FXN: variants seen among roughly 807,000 people sequenced by gnomAD.
FXN encodes frataxin, also known as frataxin, mitochondrial.
Under a neutral mutation model 22.4 loss-of-function variants are expected in FXN, and 14 were observed. That is an observed-to-expected ratio of 0.62 (90% confidence interval 0.41 to 0.98). The LOEUF is 0.98. Ranked by LOEUF, FXN falls within the 50% of genes least tolerant of loss-of-function variation. The pLI, the probability that FXN is intolerant of heterozygous loss-of-function variation, is 0.00. For missense variants in FXN, 267 were observed against 268.4 expected, an observed-to-expected ratio of 0.99 and a Z score of 0.04; for synonymous variants, 120 against 114.1, an observed-to-expected ratio of 1.05 and a Z score of -0.33.
chr9:69,036,103 C>A (rs987773855), intron 1 of FXN, 156 bp downstream of exon 1: 8 of 486,736 alleles, frequency 1.6e-5, no homozygotes, highest in Admixed American at 4.9e-5. Flanking sequence ...GCGGAAGCGG[C>A]CTTGCAACTC....
rs1832302630 is a variant in FXN at position 69,073,037 on chromosome 9, A to G, written c.*275A>G. On this transcript the variant is annotated 3_prime_UTR_variant, in exon 5 of 5. Coordinates refer to ENST00000484259, the MANE Select transcript of FXN (RefSeq NM_000144.5). ...TTATCTTTTATAATGTCTTATGCCT[A>G]TACCTGAATATAACAACCTTTAAAA... 1 of 1,315,916 alleles carries G rather than the reference A, an allele frequency of 7.6e-7. No individual in the cohort carries two copies. The highest frequency in any genetic ancestry group is 9.7e-7 in the Non-Finnish European group (1 of 1,032,752). The allele number at this position is 1,315,916 out of a possible 1,614,324, so 81.5% of individuals were successfully genotyped here.
In FXN at chr9:69,077,047, G is replaced by A. The variant is rs536322979; in HGVS notation, c.*4285G>A. The A allele has an allele frequency of 5.5e-5, 27 of 486,944 alleles. No homozygotes were observed. In the South Asian group the frequency reaches 2.2e-3, roughly 40 times the overall value. The allele number at this position is 486,944 out of a possible 1,614,324, so 30.2% of individuals were successfully genotyped here. A position where few individuals can be genotyped will look rare whatever the true frequency, so the allele number is the denominator to read the frequency against. ...CTCTGCCTCAGCCTCCCGAGTAGCT[G>A]GGATTACAGGTGCCTGCCACCACAC... is the stretch of plus-strand genomic sequence containing the variant. On this transcript the variant is annotated 3_prime_UTR_variant, in exon 5 of 5. Transcript: ENST00000484259.
intron 2 of FXN, among the ~76,000 whole-genome samples, chr9:69,051,160 C>T (rs755312975): frequency 3.9e-5 from 6 of 152,230 alleles, no homozygotes; most frequent in African/African-American, 9.6e-5. Flanking sequence ...TGCAATGGCA[C>T]GATCACAGCT....
At chr9:69,038,748 G>A (rs1401206495) in intron 1 of FXN, among the ~76,000 whole-genome samples, 1 of 152,036 alleles carries the variant, frequency 6.6e-6, no homozygotes, top group Non-Finnish European at 1.5e-5. Context: ...AGCCCAGGAG[G>A]CAGAGGTTGC....
intron 3 of FXN, among the ~76,000 whole-genome samples, chr9:69,059,455 AGT>A (rs1381827600): frequency 8.2e-6 from 1 of 121,974 alleles, no homozygotes; most frequent in Admixed American, 1.1e-4. Context: ...GCTGGAGTGC[AGT>A]GGCACGATCT....
At chr9:69,051,419 C>CTT (rs1322717134) in intron 2 of FXN, among the ~76,000 whole-genome samples, 1 of 143,598 alleles carries the variant, frequency 7.0e-6, no homozygotes, top group African/African-American at 2.5e-5. Context: ...TCTTTCTTTT[C>CTT]TTTTTTTTTT....
chr9:69,040,324 A>G (rs1462004175), intron 1 of FXN, among the ~76,000 whole-genome samples: 1 of 152,178 alleles, frequency 6.6e-6, no homozygotes, highest in African/African-American at 2.4e-5. Flanking sequence ...AATCATTTTT[A>G]TTGTCTTGCA....
intron 3 of FXN, among the ~76,000 whole-genome samples, chr9:69,063,466 GC>G (rs761170109): frequency 5.9e-5 from 9 of 152,114 alleles, no homozygotes; most frequent in Non-Finnish European, 1.2e-4. Context: ...CAAACACCAA[GC>G]CTGGCACAGT....
In FXN at chr9:69,072,763, T is replaced by A. The variant is rs1191900060; in HGVS notation, c.*1T>A. 1 of 1,614,094 alleles carries A rather than the reference T, an allele frequency of 6.2e-7. No homozygotes were observed. The highest frequency in any genetic ancestry group is 2.2e-5 in the East Asian group (1 of 44,896). The stretch of plus-strand genomic sequence containing the variant: ...GGCCTATTCCGGAAAAGATGCTTGA[T>A]GCCCAGCCCCGTTTTAAGGACATTA... On this transcript the variant is annotated 3_prime_UTR_variant, in exon 5 of 5. Coordinates refer to ENST00000484259, the MANE Select transcript of FXN (RefSeq NM_000144.5).
intron 4 of FXN, among the ~76,000 whole-genome samples, chr9:69,069,183 G>T (rs1832226375): frequency 3.9e-5 from 6 of 152,226 alleles, no homozygotes; most frequent in Admixed American, 3.3e-4. Context: ...GGGCAACATA[G>T]TGAAACCCTG....
intron 2 of FXN, among the ~76,000 whole-genome samples, chr9:69,047,538 G>A (rs891970911): frequency 5.3e-5 from 8 of 152,152 alleles, no homozygotes; most frequent in African/African-American, 1.4e-4. Flanking sequence ...TCAGCCTCTC[G>A]AGAGGCTCCT....
At chr9:69,062,511 G>A (rs1832093027) in intron 3 of FXN, among the ~76,000 whole-genome samples, 1 of 152,076 alleles carries the variant, frequency 6.6e-6, no homozygotes, top group Non-Finnish European at 1.5e-5. Flanking sequence ...CTTACGTATT[G>A]TATAATCCCA....
intron 1 of FXN, among the ~76,000 whole-genome samples, chr9:69,042,905 G>T (rs1241910988): frequency 3.2e-4 from 49 of 152,268 alleles, no homozygotes; most frequent in Non-Finnish European, 5.9e-5. Flanking sequence ...AGACAGCTTG[G>T]GTTCAATCCC....
chr9:69,039,037 G>A (rs971586283), intron 1 of FXN, among the ~76,000 whole-genome samples: 39 of 152,004 alleles, frequency 2.6e-4, no homozygotes, highest in African/African-American at 9.2e-4. Context: ...CGGATCACCT[G>A]AGGTCAGGAG....
chr9:69,066,974 C>T (rs1270642325), intron 4 of FXN, among the ~76,000 whole-genome samples: 3 of 152,212 alleles, frequency 2.0e-5, no homozygotes, highest in Admixed American at 2.0e-4. Context: ...CTCCCCGGTC[C>T]ACCTCAGGCC....
At position 69,071,212 on chromosome 9, in the gene FXN, C is replaced by T. The variant is rs778471518; in HGVS notation, c.483-1400C>T. On this transcript the variant is annotated intron_variant, in intron 4 of 4. Coordinates refer to ENST00000484259, the MANE Select transcript of FXN (RefSeq NM_000144.5). ...CAGAGTATAGGGCCAAGGGGACGGT[C>T]CTTGGGCTTGGTGTGGTTTATTAGT... The T allele has an allele frequency of 9.6e-6, 5 of 518,996 alleles. No homozygotes were observed. In the East Asian group the frequency reaches 2.7e-4, roughly 28 times the overall value. 32.1% of individuals were successfully genotyped at this position (518,996 alleles called of 1,614,324 possible).
At chr9:69,068,854 G>A (rs897473605) in intron 4 of FXN, among the ~76,000 whole-genome samples, 1 of 152,178 alleles carries the variant, frequency 6.6e-6, no homozygotes, top group African/African-American at 2.4e-5. Flanking sequence ...GCAGGTCCTC[G>A]TGTCAGGACC....
intron 3 of FXN, among the ~76,000 whole-genome samples, chr9:69,059,371 C>A (rs1024689763): frequency 4.0e-5 from 6 of 148,600 alleles, no homozygotes; most frequent in Non-Finnish European, 7.4e-5. Flanking sequence ...AAGTTAAAAA[C>A]CCCTGCTCAG....
chr9:69,066,362 A>G (rs766594368), intron 4 of FXN, among the ~76,000 whole-genome samples: 1 of 152,206 alleles, frequency 6.6e-6, no homozygotes, highest in Non-Finnish European at 1.5e-5. Context: ...GTGATCTCTA[A>G]TGCTTTGTTC....
Sources: allele counts gnomAD v4.1 joint callset (sites outside exome capture counted in the v4.1 genomes callset), GRCh38; gene constraint gnomAD v4.1.1; transcripts MANE v1.5; gene names NCBI Gene and HGNC (gene_info 2026-07-23, HGNC 2026-07-21).